The following MICAL2 variants were observed in gnomAD, a reference collection of about 807,000 sequenced individuals.
MICAL2 encodes the protein microtubule associated monooxygenase, calponin and LIM domain containing 2.
A neutral mutation model predicts 127.3 loss-of-function variants in MICAL2; 77 were observed. The ratio of observed to expected loss-of-function variants is 0.60; its 90% CI spans 0.50 to 0.73. The LOEUF (loss-of-function observed/expected upper bound fraction) is 0.73, where lower values mean the gene tolerates loss of function less well. MICAL2 is among the 30% of genes least tolerant of loss of function. The pLI is 0.00. For missense variants in MICAL2, 1,351 were observed against 1,434.4 expected (o/e 0.94, Z 0.94); for synonymous variants, 570 against 551.1 (o/e 1.03, Z -0.48).
At chr11:12,327,529 G>A (rs10831788) in intron 32 of MICAL2, among the ~76,000 whole-genome samples, 64 of 152,196 alleles carry the variant, frequency 4.2e-4, no homozygotes, top group African/African-American at 1.2e-3. Context: ...GTAACTGGGC[G>A]TCTGTTCAGC....
intron 3 of MICAL2, among the ~76,000 whole-genome samples, chr11:12,171,627 C>G (rs116345609): frequency 1.3e-5 from 2 of 152,164 alleles, no homozygotes; most frequent in African/African-American, 2.4e-5. Flanking sequence ...TGTTCTCCTG[C>G]GCTGAATTTG....
chr11:12,230,702 T>TA (rs1310754187), intron 15 of MICAL2, among the ~76,000 whole-genome samples: 1 of 137,742 alleles, frequency 7.3e-6, no homozygotes, highest in African/African-American at 2.7e-5. Flanking sequence ...CTGACGATGT[T>TA]AAATTCTTCT....
intron 32 of MICAL2, among the ~76,000 whole-genome samples, chr11:12,338,631 C>A (rs1290899195): frequency 1.3e-5 from 2 of 152,164 alleles, no homozygotes; most frequent in African/African-American, 4.8e-5. Flanking sequence ...CCTTCAGGAG[C>A]TCTTTTAGGG....
At chr11:12,315,527 A>T (rs1864222265) in intron 29 of MICAL2, among the ~76,000 whole-genome samples, 1 of 152,124 alleles carries the variant, frequency 6.6e-6, no homozygotes, top group Admixed American at 6.5e-5. Flanking sequence ...TAATTCTCAA[A>T]TATTTTGTGG....
chr11:12,293,987 G>C, downstream of MICAL2: 1 of 1,614,184 alleles, frequency 6.2e-7, no homozygotes. Context: ...CCTCACTCAG[G>C]AGCAGAAGAC....
At chr11:12,125,040 G>A (rs962395754) in intron 1 of MICAL2, among the ~76,000 whole-genome samples, 1 of 152,210 alleles carries the variant, frequency 6.6e-6, no homozygotes, top group Admixed American at 6.5e-5. Flanking sequence ...TCTCTGCAAA[G>A]CCAGGCTTAG....
chr11:12,240,897 A>C (rs1859829134), intron 17 of MICAL2, 143 bp from the exon 18 acceptor site: 1 of 1,060,386 alleles, frequency 9.4e-7, no homozygotes, highest in African/African-American at 1.6e-5. Flanking sequence ...GGCTTGCGGG[A>C]GCTCAGCCCA....
At position 12,226,219 on chromosome 11, in the gene MICAL2, C is replaced by T. The variant is rs754326645; in HGVS notation, c.1737C>T (p.Leu579=). The change falls in exon 14 of 28, where the codon CTC becomes CTT. Residue 579 remains leucine (L), a synonymous_variant. Transcript: ENST00000683283. ...NEDDAVENNQ[L]AFDVAEREFG... is the part of the protein sequence containing the mutation. ...ATGATGCTGTGGAGAACAACCAGCT[C>T]GCATTTGATGTGGCCGAGCGAGAGT... 7 of 1,614,206 alleles carry T rather than the reference C, an allele frequency of 4.3e-6. No individual in the cohort carries two copies. Among genetic ancestry groups the T allele is most frequent in the South Asian group, 1.1e-5 (1 of 91,080 alleles).
At chr11:12,354,623 G>T (rs115719700) in intron 33 of MICAL2, among the ~76,000 whole-genome samples, 3 of 151,972 alleles carry the variant, frequency 2.0e-5, no homozygotes, top group Non-Finnish European at 4.4e-5. Flanking sequence ...ACAAAGACTC[G>T]GTCTCAGAAA....
chr11:12,156,366 G>A (rs564953168), intron 2 of MICAL2, among the ~76,000 whole-genome samples: 2 of 152,346 alleles, frequency 1.3e-5, no homozygotes, highest in African/African-American at 4.8e-5. Flanking sequence ...ACACCCAGGA[G>A]CAATAGAGAA....
intron 29 of MICAL2, among the ~76,000 whole-genome samples, chr11:12,317,254 G>A (rs1289811847): frequency 6.6e-6 from 1 of 152,058 alleles, no homozygotes; most frequent in African/African-American, 2.4e-5. Flanking sequence ...CTTCTTACCT[G>A]TACTGTGATC....
chr11:12,294,794 G>A (rs1483678952), downstream of MICAL2: 10 of 1,509,040 alleles, frequency 6.6e-6, no homozygotes, highest in African/African-American at 1.9e-5. Flanking sequence ...CCTGCGCCAG[G>A]CAGCTCCTCC....
chr11:12,294,411 C>G, downstream of MICAL2: 1 of 1,614,222 alleles, frequency 6.2e-7, no homozygotes, highest in Non-Finnish European at 8.5e-7. Flanking sequence ...GACCAGCATT[C>G]CCCTGGGAGA....
At chr11:12,292,795 T>TAAC (rs1863922078), downstream of MICAL2, among the ~76,000 whole-genome samples, 2 of 152,224 alleles carry the variant, frequency 1.3e-5, no homozygotes, top group Non-Finnish European at 2.9e-5. Flanking sequence ...AGGCCTGTTC[T>TAAC]AGACTCTGGA....
intron 20 of MICAL2, 146 bp from the exon 21 acceptor site, chr11:12,243,841 A>T: frequency 1.1e-6 from 1 of 919,444 alleles, no homozygotes; most frequent in Non-Finnish European, 1.7e-6. Context: ...GGCTCCAAAG[A>T]CAGGGGTTTC....
At chr11:12,328,257 C>T (rs1864376698) in intron 32 of MICAL2, among the ~76,000 whole-genome samples, 2 of 152,118 alleles carry the variant, frequency 1.3e-5, no homozygotes, top group African/African-American at 4.8e-5. Context: ...TTGAGAGGCA[C>T]ACATAGGTAA....
chr11:12,275,174 G>A (rs1408755915), upstream of MICAL2, among the ~76,000 whole-genome samples: 2 of 152,192 alleles, frequency 1.3e-5, no homozygotes, highest in African/African-American at 4.8e-5. Context: ...TACTGAGAGG[G>A]GGAAGGCTAT....
Position 12,142,137 on chromosome 11 carries a change from G to A in MICAL2, c.-78+3677G>A, listed in dbSNP as rs114913933. 5.1e-3 allele frequency among the ~76,000 whole-genome samples: 777 copies of A among 152,218 alleles called. 3 individuals are homozygous for A. The highest frequency in any genetic ancestry group is 0.018 in the African/African-American group (736 of 41,528). Reference sequence around the variant, plus strand: ...GCCTCCTCATGTGGGTTCAGCCACCGTGCCTTCCTCTTTTCTCCTCCACCC... The same window carrying A: ...GCCTCCTCATGTGGGTTCAGCCACCATGCCTTCCTCTTTTCTCCTCCACCC... On this transcript the variant is annotated intron_variant, in intron 2 of 27. Transcript: ENST00000683283.
chr11:12,162,099 C>T lies in MICAL2; in HGVS notation c.-57C>T. ...CACAGGTGTGACGTTTCTCCAGATA[C>T]TTCATGCTGTTCACCTGTGTCCTCG... On this transcript the variant is annotated 5_prime_UTR_variant, in exon 3 of 28. Coordinates refer to ENST00000683283, the MANE Select transcript of MICAL2 (RefSeq NM_001282663.2). 6.2e-7 allele frequency: 1 copy of T among 1,606,888 alleles called. No individual in the cohort carries two copies. Among genetic ancestry groups the T allele is most frequent in the East Asian group, 2.2e-5 (1 of 44,794 alleles).
Sources: gnomAD v4.1 joint callset for allele counts (sites outside exome capture counted in the v4.1 genomes callset) on GRCh38, gnomAD v4.1.1 for gene constraint, MANE v1.5 for transcripts, NCBI Gene and HGNC (gene_info 2026-07-23, HGNC 2026-07-21) for gene names.